The following TDRD3 variants were observed in gnomAD, a reference collection of about 807,000 sequenced individuals.
TDRD3 encodes tudor domain containing 3, also known as tudor domain-containing protein 3.
TDRD3 carries 45 observed loss-of-function variants against 86.7 expected under a neutral mutation model. That is an observed-to-expected ratio of 0.52 (90% CI 0.41 to 0.67). TDRD3 has a LOEUF of 0.67. Among genes scored for constraint, TDRD3 ranks in the 30% least tolerant of loss-of-function variants. TDRD3 has a pLI of 0.00. For missense variants in TDRD3, 814 were observed against 889.0 expected, an observed-to-expected ratio of 0.92 and a Z score of 1.07; for synonymous variants, 298 against 301.7, an observed-to-expected ratio of 0.99 and a Z score of 0.13.
At chr13:60,428,562 T>C (rs953297329) in intron 1 of TDRD3, among the ~76,000 whole-genome samples, 1 of 152,196 alleles carries the variant, frequency 6.6e-6, no homozygotes, top group African/African-American at 2.4e-5. Context: ...GTTTATACAA[T>C]AGTGCAGTGG....
intron 12 of TDRD3, among the ~76,000 whole-genome samples, chr13:60,553,631 A>G (rs73208095): frequency 0.015 from 2,288 of 152,084 alleles, 24 homozygotes; most frequent in Middle Eastern, 0.054. Context: ...AAATCATGGC[A>G]GAAAGCAAAG....
At chr13:60,532,455 G>A (rs1382645628) in intron 11 of TDRD3, among the ~76,000 whole-genome samples, 1 of 152,152 alleles carries the variant, frequency 6.6e-6, no homozygotes, top group Non-Finnish European at 1.5e-5. Flanking sequence ...AATTGAAGAG[G>A]TGGCTTCTAA....
rs1035355657 is a variant in TDRD3 at position 60,397,420 on chromosome 13, C to A, written c.41+15C>A. On this transcript the variant is annotated intron_variant, in intron 1 of 13. Coordinates refer to ENST00000377881, the MANE Select transcript of TDRD3 (RefSeq NM_001146070.2). ...CAGGCGGGTTGGTAAGTGGCGAGTCCCGCCGGCTGCCGGGCCGCGGGTGCG... is the reference window on the plus strand; with the variant it reads ...CAGGCGGGTTGGTAAGTGGCGAGTCACGCCGGCTGCCGGGCCGCGGGTGCG... 16 of 1,484,038 alleles carry A rather than the reference C, an allele frequency of 1.1e-5. No homozygotes were observed. In the Admixed American group the frequency reaches 2.1e-4, roughly 20 times the overall value. The allele number at this position is 1,484,038 out of a possible 1,614,324, so 91.9% of individuals were successfully genotyped here. A position where few individuals can be genotyped will look rare whatever the true frequency, so the allele number is the denominator to read the frequency against.
chr13:60,514,029 G>T (rs1957115813), intron 10 of TDRD3, among the ~76,000 whole-genome samples: 1 of 152,184 alleles, frequency 6.6e-6, no homozygotes, highest in South Asian at 2.1e-4. Context: ...ACAAGAAAAT[G>T]TGGGAAAGTT....
chr13:60,532,991 T>A (rs1168649938), intron 11 of TDRD3, among the ~76,000 whole-genome samples: 1 of 152,186 alleles, frequency 6.6e-6, no homozygotes, highest in African/African-American at 2.4e-5. Flanking sequence ...ATCTTAGTCA[T>A]GCTAAGATAT....
At chr13:60,471,107 C>A (rs1956068831) in intron 5 of TDRD3, among the ~76,000 whole-genome samples, 1 of 151,998 alleles carries the variant, frequency 6.6e-6, no homozygotes, top group African/African-American at 2.4e-5. Flanking sequence ...TTTTCCCATC[C>A]CATGTGTTGC....
At chr13:60,433,198 G>A (rs1205467699) in intron 1 of TDRD3, among the ~76,000 whole-genome samples, 2 of 152,114 alleles carry the variant, frequency 1.3e-5, no homozygotes, top group African/African-American at 4.8e-5. Flanking sequence ...AGATTTGAAT[G>A]GGCATTCATT....
chr13:60,431,703 CAAAAAAAAAAAA>C (rs67787868), intron 1 of TDRD3, among the ~76,000 whole-genome samples: 2,903 of 63,056 alleles, frequency 0.046, 127 homozygotes, highest in African/African-American at 0.16. Context: ...CTATCTTTAC[CAAAAAAAAAAAA>C]AAAAAAAAAG....
At position 60,559,838 on chromosome 13, in the gene TDRD3, C is replaced by T. The variant is rs138427655; in HGVS notation, c.2119-7687C>T. On this transcript the variant is annotated intron_variant, in intron 12 of 13. Transcript: ENST00000377881. ...TGTACAAAACAGTCACTCCAATTAA[C>T]AGTAGTGTATTGTATGCTTGAAATT... Among the ~76,000 whole-genome samples the T allele has an allele frequency of 4.3e-3, 652 of 152,210 alleles. 6 individuals carry two copies. The highest frequency in any genetic ancestry group is 4.6e-3 in the Non-Finnish European group (312 of 67,986).
chr13:60,469,526 A>G lies in TDRD3; in HGVS notation c.495+2147A>G, dbSNP rs146842278. On this transcript the variant is annotated intron_variant, in intron 5 of 13. Coordinates refer to ENST00000377881, the MANE Select transcript of TDRD3 (RefSeq NM_001146070.2). ...TATGTCTCTGCACTTGACTTCCTGCAAGCCACATTAGTATTTCTTGTTAGG... is the reference window on the plus strand; with the variant it reads ...TATGTCTCTGCACTTGACTTCCTGCGAGCCACATTAGTATTTCTTGTTAGG... Among the ~76,000 whole-genome samples the G allele has an allele frequency of 2.1e-4, 32 of 152,268 alleles. No individual in the cohort carries two copies. In the East Asian group the frequency reaches 5.6e-3, roughly 27 times the overall value.
chr13:60,572,378 A>C (rs992895228), intron 13 of TDRD3, among the ~76,000 whole-genome samples: 2 of 152,216 alleles, frequency 1.3e-5, no homozygotes, highest in Non-Finnish European at 2.9e-5. Flanking sequence ...TTTGATTAAG[A>C]GAGTGATATG....
intron 8 of TDRD3, among the ~76,000 whole-genome samples, chr13:60,498,263 G>T (rs2137584386): frequency 6.6e-6 from 1 of 152,250 alleles, no homozygotes; most frequent in Non-Finnish European, 1.5e-5. Flanking sequence ...CCCTGTAATT[G>T]CTCTTCTCTG....
intron 1 of TDRD3, among the ~76,000 whole-genome samples, chr13:60,416,561 G>A (rs73208052): frequency 2.0e-5 from 3 of 152,140 alleles, no homozygotes; most frequent in African/African-American, 7.2e-5. Flanking sequence ...TCTTGTTGTT[G>A]TAATGTTTAG....
At chr13:60,395,887 C>A (rs7986933), upstream of TDRD3, among the ~76,000 whole-genome samples, 22,836 of 152,198 alleles carry the variant, frequency 0.15, 2,144 homozygotes, top group South Asian at 0.28. Context: ...CAGGATGGAG[C>A]TACTTGTGAT....
chr13:60,489,962 C>T (rs972371744), intron 7 of TDRD3, among the ~76,000 whole-genome samples: 1 of 151,040 alleles, frequency 6.6e-6, no homozygotes, highest in Non-Finnish European at 1.5e-5. Flanking sequence ...TTTATTGGAG[C>T]ATAGTTAACC....
intron 13 of TDRD3, among the ~76,000 whole-genome samples, chr13:60,569,137 T>G (rs1958528620): frequency 6.6e-6 from 1 of 152,116 alleles, no homozygotes. Context: ...CCTAGCTGAT[T>G]TTTGTATTTT....
At chr13:60,568,229 C>G (rs1362358219) in intron 13 of TDRD3, among the ~76,000 whole-genome samples, 1 of 152,096 alleles carries the variant, frequency 6.6e-6, no homozygotes, top group Non-Finnish European at 1.5e-5. Context: ...AGTAGTCTGC[C>G]TAGAGTGGAA....
chr13:60,397,285 T>TTTC lies in TDRD3; in HGVS notation c.-80_-79insTTC. The TTTC allele has an allele frequency of 1.6e-6, 1 of 623,720 alleles. No homozygotes were observed. The highest frequency in any genetic ancestry group is 2.4e-6 in the Non-Finnish European group (1 of 422,156). The allele number at this position is 623,720 out of a possible 1,614,324, so 38.6% of individuals were successfully genotyped here. On this transcript the variant is annotated 5_prime_UTR_variant, in exon 1 of 14. Coordinates refer to ENST00000377881, the MANE Select transcript of TDRD3 (RefSeq NM_001146070.2). ...TTCTTTTCTTTTCTTTTTTTTTTTTTAAGGGGGGGGGTCTCAAGTAGGAGG... is the reference window on the plus strand; with the variant it reads ...TTCTTTTCTTTTCTTTTTTTTTTTTTTTCAAGGGGGGGGGTCTCAAGTAGGAGG...
chr13:60,450,534 T>G (rs1303780145), intron 3 of TDRD3, among the ~76,000 whole-genome samples: 1 of 152,196 alleles, frequency 6.6e-6, no homozygotes, highest in Non-Finnish European at 1.5e-5. Context: ...TACTTTATAT[T>G]TCTGGAGGTA....
Sources: gnomAD v4.1 joint callset for allele counts (sites outside exome capture counted in the v4.1 genomes callset) on GRCh38, gnomAD v4.1.1 for gene constraint, MANE v1.5 for transcripts, NCBI Gene and HGNC (gene_info 2026-07-23, HGNC 2026-07-21) for gene names.